Variants in RC3H1 observed in about 807,000 individuals in gnomAD.
RC3H1 encodes the protein ring finger and CCCH-type domains 1.
In RC3H1, 50 loss-of-function variants were observed where a neutral mutation model predicts 138.2. The observed-to-expected ratio is 0.36, with a 90% CI of 0.29 to 0.46. RC3H1 has a LOEUF of 0.46. Among genes scored for constraint, RC3H1 ranks in the 20% least tolerant of loss-of-function variants. The pLI is 1.00. For synonymous variants in RC3H1, 462 were observed against 489.1 expected, an observed-to-expected ratio of 0.94 and a Z score of 0.73; for missense variants, 1,031 against 1,388.1, an observed-to-expected ratio of 0.74 and a Z score of 4.09.
chr1:173,995,007 T>A (rs1401422158), intron 1 of RC3H1, among the ~76,000 whole-genome samples: 1 of 152,112 alleles, frequency 6.6e-6, no homozygotes, highest in Admixed American at 6.5e-5. Flanking sequence ...AATATATAAT[T>A]GCAAGTTATG....
rs1330557993 is a variant in RC3H1 at position 173,935,696 on chromosome 1, C to T, written c.*3025G>A. 6.6e-6 allele frequency: 1 copy of T among 151,672 alleles called. No individual in the cohort carries two copies. The highest frequency in any genetic ancestry group is 1.5e-5 in the Non-Finnish European group (1 of 67,930). 9.4% of individuals were successfully genotyped at this position (151,672 alleles called of 1,614,324 possible). On this transcript the variant is annotated 3_prime_UTR_variant, in exon 20 of 20. Transcript: ENST00000367696. ...TTGTCCTTACAGGCTCATGATATCA[C>T]AGAGAAAAGGAAAAGGAAAAAAAGC... is the stretch of plus-strand genomic sequence containing the variant.
chr1:173,984,532 C>T lies in RC3H1; in HGVS notation c.319G>A (p.Ala107Thr), dbSNP rs761067083. 1 of 1,613,860 alleles carries T rather than the reference C, an allele frequency of 6.2e-7. No homozygotes were observed. The highest frequency in any genetic ancestry group is 1.3e-5 in the African/African-American group (1 of 74,920). Residue 107 changes from alanine to threonine, a missense_variant, in exon 3 of 20, where the codon GCA becomes ACA. By Grantham distance (58) the Ala-to-Thr change is moderately conservative. Coordinates refer to ENST00000367696, the MANE Select transcript of RC3H1 (RefSeq NM_172071.4). ...EEAKKCVEEL[A>T]LYLKPLSSAR... ...CTGCTGAGCGGTTTTAAGTACAATG[C>T]TAATTCTTCTACACATTTCTTGGCT... is the stretch of plus-strand genomic sequence containing the variant.
At position 173,971,997 on chromosome 1, in the gene RC3H1, T is replaced by C. The variant is rs147726622; in HGVS notation, c.1221+512A>G. The stretch of plus-strand genomic sequence containing the variant: ...TATAAGAAGTTATTATATTCTACCA[T>C]CGTATTTTCATCTAAAAACTTTGAG... On this transcript the variant is annotated intron_variant, in intron 8 of 19. Coordinates refer to ENST00000367696, the MANE Select transcript of RC3H1 (RefSeq NM_172071.4). 1.3e-4 allele frequency among the ~76,000 whole-genome samples: 20 copies of C among 152,242 alleles called. No individual in the cohort carries two copies. The East Asian group carries it at 3.9e-3, about 29-fold the overall frequency.
intron 10 of RC3H1, among the ~76,000 whole-genome samples, chr1:173,964,470 C>A (rs906419641): frequency 6.6e-6 from 1 of 152,030 alleles, no homozygotes; most frequent in African/African-American, 2.4e-5. Flanking sequence ...TGGGTTCAAG[C>A]GATTCTCATG....
chr1:174,016,022 G>A (rs1239237427), intron 1 of RC3H1: 1 of 151,988 alleles, frequency 6.6e-6, no homozygotes, highest in Non-Finnish European at 1.5e-5. Context: ...CTAACGTGGT[G>A]AAATCCCATC....
At chr1:173,947,612 CCA>C (rs766077678) in intron 14 of RC3H1, 30 bp from the exon 15 acceptor site, 1 of 1,562,608 alleles carries the variant, frequency 6.4e-7, no homozygotes, top group Non-Finnish European at 8.8e-7. Flanking sequence ...AGAAATTACC[CCA>C]CACTCAGATC....
chr1:173,960,885 T>C (rs1032648381), intron 13 of RC3H1, 192 bp downstream of exon 13: 1 of 512,760 alleles, frequency 2.0e-6, no homozygotes, highest in African/African-American at 2.0e-5. Context: ...AAAAAAGATC[T>C]TGACTCCTAA....
At chr1:174,007,377 G>A (rs548146473) in intron 1 of RC3H1, among the ~76,000 whole-genome samples, 18 of 150,828 alleles carry the variant, frequency 1.2e-4, no homozygotes, top group African/African-American at 3.9e-4. Context: ...GCGACAGAGC[G>A]AGACTCCATC....
At chr1:174,016,642 A>AT (rs975101399) in intron 1 of RC3H1, among the ~76,000 whole-genome samples, 3 of 151,286 alleles carry the variant, frequency 2.0e-5, no homozygotes, top group African/African-American at 7.3e-5. Flanking sequence ...AAAATTTTAA[A>AT]TTTTTTTTGT....
chr1:173,993,090 TA>T lies in RC3H1; in HGVS notation c.-106del. On this transcript the variant is annotated 5_prime_UTR_variant, in exon 2 of 20. Coordinates refer to ENST00000367696, the MANE Select transcript of RC3H1 (RefSeq NM_172071.4). The stretch of plus-strand genomic sequence containing the variant: ...AAAAAAAGTTTATCTTTTTTTTTTT[TA>T]AATATCTTCTGTAGATACAGTCAGC... 7.6e-6 allele frequency: 6 copies of T among 789,896 alleles called. No homozygotes were observed. Among genetic ancestry groups the T allele is most frequent in the Admixed American group, 2.6e-5 (1 of 37,786 alleles). The allele number at this position is 789,896 out of a possible 1,614,324, so 48.9% of individuals were successfully genotyped here.
intron 1 of RC3H1, among the ~76,000 whole-genome samples, chr1:174,017,962 T>C (rs1448446506): frequency 6.6e-6 from 1 of 152,028 alleles, no homozygotes; most frequent in African/African-American, 2.4e-5. Flanking sequence ...ATCTCAGCAC[T>C]TTGGGAGGCA....
intron 2 of RC3H1, among the ~76,000 whole-genome samples, chr1:173,990,521 C>CCTA (rs146782652): frequency 0.29 from 43,600 of 151,272 alleles, 11,228 homozygotes; most frequent in African/African-American, 0.7. Context: ...TTATTAAGGG[C>CCTA]CTATGTACCA....
intron 7 of RC3H1, among the ~76,000 whole-genome samples, chr1:173,974,659 TG>T (rs60132488): frequency 0.4 from 59,908 of 151,438 alleles, 16,919 homozygotes; most frequent in African/African-American, 0.79. Context: ...GGGAATTAAG[TG>T]GAAAAAAAGG....
intron 2 of RC3H1, among the ~76,000 whole-genome samples, chr1:173,989,300 A>G (rs1661164529): frequency 6.6e-6 from 1 of 151,950 alleles, no homozygotes; most frequent in Non-Finnish European, 1.5e-5. Context: ...GGCTCAGGTG[A>G]TGCTCCCACC....
intron 1 of RC3H1, among the ~76,000 whole-genome samples, chr1:174,009,911 C>T (rs560663509): frequency 3.9e-5 from 6 of 152,178 alleles, no homozygotes; most frequent in South Asian, 2.1e-4. Flanking sequence ...GTCTTTTATG[C>T]GGATCACATG....
intron 11 of RC3H1, among the ~76,000 whole-genome samples, chr1:173,963,420 A>T (rs894556148): frequency 6.6e-6 from 1 of 152,174 alleles, no homozygotes; most frequent in Admixed American, 6.5e-5. Context: ...TTAATTTTTA[A>T]CACATACATA....
intron 12 of RC3H1, 142 bp downstream of exon 12, chr1:173,961,583 A>T (rs1320226894): frequency 2.2e-6 from 2 of 891,430 alleles, no homozygotes; most frequent in Non-Finnish European, 1.6e-6. Context: ...AAATACCCAA[A>T]TTATGAAAAG....
At position 173,941,373 on chromosome 1, in the gene RC3H1, T is replaced by C; in HGVS notation, c.3143A>G (p.Gln1048Arg). The change falls in exon 19 of 20, where the codon CAG (glutamine) becomes CGG (arginine). Residue 1048 changes from glutamine to arginine, a missense_variant. This residue lies in a region of RC3H1 where 716 missense variants were observed against 837.9 expected (regional missense o/e 0.85). Transcript: ENST00000367696. ...TTTGCTTTTCATGTCCAGAGAACACTGGTTTTCCTTTGAAAGAGAAGGAAA... is the reference window on the plus strand; with the variant it reads ...TTTGCTTTTCATGTCCAGAGAACACCGGTTTTCCTTTGAAAGAGAAGGAAA... ...KRTRELSMENQCSLDMKSKLN... is the reference protein window; with the variant it reads ...KRTRELSMENRCSLDMKSKLN... 6.2e-7 allele frequency: 1 copy of C among 1,604,974 alleles called. No homozygotes were observed. Among genetic ancestry groups the C allele is most frequent in the Non-Finnish European group, 8.5e-7 (1 of 1,172,088 alleles).
At position 173,965,014 on chromosome 1, in the gene RC3H1, C is replaced by A. The variant is rs754255842; in HGVS notation, c.1441G>T (p.Gly481Cys). The change falls in exon 10 of 20, where the codon GGT (glycine) becomes TGT (cysteine). Residue 481 changes from glycine to cysteine, a missense_variant. Gly to Cys is a radical substitution (Grantham distance 159, BLOSUM62 -3). Around this residue, in one of 7 missense-constraint regions of RC3H1, gnomAD observed 716 missense variants for 837.9 expected, o/e 0.85. Transcript: ENST00000367696. ...TTTCTGCTAGGGAGATCCACTGCAC[C>A]TTCATCTGGAAGGATAGCTGCTGAA... Reference protein sequence around the residue: ...LPSAAILPDEGAVDLPSRKPP... With the variant: ...LPSAAILPDECAVDLPSRKPP... 9 of 1,613,976 alleles carry A rather than the reference C, an allele frequency of 5.6e-6. No individual in the cohort carries two copies. The highest frequency in any genetic ancestry group is 7.6e-6 in the Non-Finnish European group (9 of 1,180,028).
Sources: gnomAD v4.1 joint callset for allele counts (sites outside exome capture counted in the v4.1 genomes callset) on GRCh38, gnomAD v4.1.1 for gene constraint, gnomAD v4.1.1 regional missense constraint, MANE v1.5 for transcripts, NCBI Gene and HGNC (gene_info 2026-07-23, HGNC 2026-07-21) for gene names.